Variants in OR4K2 observed in about 807,000 individuals in gnomAD.
The protein encoded by OR4K2 is olfactory receptor 4K2.
A neutral mutation model predicts 10.5 loss-of-function variants in OR4K2; 8 were observed. The ratio of observed to expected loss-of-function variants is 0.76; its 90% CI spans 0.45 to 1.37. OR4K2 has a LOEUF of 1.37. OR4K2 is among the 40% of genes most tolerant of loss of function. The probability of loss-of-function intolerance (pLI) is 0.00; values close to 1 mark genes in which losing one functional copy is unlikely to be tolerated. For missense variants in OR4K2, 547 were observed against 379.5 expected (o/e 1.44, Z -3.67); for synonymous variants, 178 against 133.6 (o/e 1.33, Z -2.29).
rs563942901 is a variant in OR4K2 at position 19,876,618 on chromosome 14, C to A, written c.351C>A (p.Ala117=). 6.2e-7 allele frequency: 1 copy of A among 1,614,172 alleles called. No homozygotes were observed. Among genetic ancestry groups the A allele is most frequent in the Admixed American group, 1.7e-5 (1 of 60,028 alleles). The stretch of plus-strand genomic sequence containing the variant: ...GAACTGAGATCATCTTACTCATGGC[C>A]ATGTCCTTTGATAGGTATATTGCAA... ...FTGTEIILLM[A]MSFDRYIAIC... Residue 117 remains alanine (A), a synonymous_variant, in exon 2 of 2, where the codon GCC becomes GCA. Transcript: ENST00000641885.
In OR4K2 at chr14:19,881,386, G is replaced by A. The variant is rs908462261; in HGVS notation, c.*4174G>A. 3.3e-5 allele frequency: 5 copies of A among 152,192 alleles called. No individual in the cohort carries two copies. The highest frequency in any genetic ancestry group is 4.8e-5 in the African/African-American group (2 of 41,444). 9.4% of individuals were successfully genotyped at this position (152,192 alleles called of 1,614,324 possible). A position where few individuals can be genotyped will look rare whatever the true frequency, so the allele number is the denominator to read the frequency against. On this transcript the variant is annotated 3_prime_UTR_variant, in exon 2 of 2. Transcript: ENST00000641885. ...TGCACAAATTATTCTGGAGCGTGTA[G>A]GACCAACACTCAAATGAGACTGGAA...
Position 19,876,600 on chromosome 14 carries a change from G to A in OR4K2, c.333G>A (p.Glu111=). ...TTCTCCACCTTTTCACTGGAACTGA[G>A]ATCATCTTACTCATGGCCATGTCCT... The part of the protein sequence containing the change: ...IFFLHLFTGT[E]IILLMAMSFD... The change falls in exon 2 of 2, where the codon GAG becomes GAA. Residue 111 remains glutamate, a synonymous_variant. Coordinates refer to ENST00000641885, the MANE Select transcript of OR4K2 (RefSeq NM_001005501.2). The A allele has an allele frequency of 6.2e-7, 1 of 1,614,192 alleles. No individual in the cohort carries two copies. The highest frequency in any genetic ancestry group is 8.5e-7 in the Non-Finnish European group (1 of 1,180,014).
chr14:19,876,214 CTTTTT>C (rs35601631), intron 1 of OR4K2, 26 bp from the exon 2 acceptor site: 2,345 of 637,690 alleles, frequency 3.7e-3, no homozygotes, highest in Non-Finnish European at 4.3e-3. Flanking sequence ...TCTGACTTTC[CTTTTT>C]TTTTTTTTTT....
chr14:19,876,499 AC>A lies in OR4K2; in HGVS notation c.236del (p.Pro79GlnfsTer3). 4.3e-6 allele frequency: 7 copies of A among 1,614,070 alleles called. No individual in the cohort carries two copies. Among genetic ancestry groups the A allele is most frequent in the Non-Finnish European group, 5.9e-6 (7 of 1,179,986 alleles). On this transcript the variant is annotated frameshift_variant, in exon 2 of 2. Transcript: ENST00000641885. LOFTEE classifies it high-confidence loss of function. ...TGATATGTCTCTTGCTTCTTTCGCC[AC>A]CCCAAAGATGATTACAGATTACCTA... ...IIDMSLASFA[T>X]PKMITDYLTG...
Position 19,877,178 on chromosome 14 carries a change from G to A in OR4K2, c.911G>A (p.Arg304Lys), listed in dbSNP as rs781254273. ...VKIAMRKLKN[R>K]FLNFNKAMPS ...ATAGCCATGAGGAAACTGAAAAATA[G>A]GTTTCTAAATTTTAATAAGGCAATG... Residue 304 changes from arginine to lysine, a missense_variant, in exon 2 of 2, where the codon AGG (arginine) becomes AAG (lysine). Arg to Lys is a conservative substitution (Grantham distance 26). Transcript: ENST00000641885. The A allele has an allele frequency of 3.1e-6, 5 of 1,597,116 alleles. No individual in the cohort carries two copies. The highest frequency in any genetic ancestry group is 4.2e-6 in the Non-Finnish European group (5 of 1,178,090).
At position 19,876,843 on chromosome 14, in the gene OR4K2, T is replaced by C; in HGVS notation, c.576T>C (p.Thr192=). 1 of 1,614,198 alleles carries C rather than the reference T, an allele frequency of 6.2e-7. No individual in the cohort carries two copies. Among genetic ancestry groups the C allele is most frequent in the Non-Finnish European group, 8.5e-7 (1 of 1,179,994 alleles). The change falls in exon 2 of 2, where the codon ACT becomes ACC. Residue 192 remains threonine (T), a synonymous_variant. Coordinates refer to ENST00000641885, the MANE Select transcript of OR4K2 (RefSeq NM_001005501.2). Reference sequence around the variant, plus strand: ...TGTTCCAGTTGGCTTGTGTGGATACTTATGTTCTGGGCCTCTTTATGATCT... The same window carrying C: ...TGTTCCAGTTGGCTTGTGTGGATACCTATGTTCTGGGCCTCTTTATGATCT... The part of the protein sequence containing the change: ...PVVFQLACVD[T]YVLGLFMIST...
rs1475717061 is a variant in OR4K2 at position 19,876,396 on chromosome 14, C to T, written c.129C>T (p.Ser43=). The T allele has an allele frequency of 1.2e-6, 2 of 1,613,840 alleles. No individual in the cohort carries two copies. Among genetic ancestry groups the T allele is most frequent in the African/African-American group, 2.7e-5 (2 of 74,886 alleles). Residue 43 remains serine, a synonymous_variant, in exon 2 of 2, where the codon AGC becomes AGT. Coordinates refer to ENST00000641885, the MANE Select transcript of OR4K2 (RefSeq NM_001005501.2). The stretch of plus-strand genomic sequence containing the variant: ...ATGTGGCAACAATGGTGGGTAACAG[C>T]CTCATAGTCATCACAGTTATAGTGG... The part of the protein sequence containing the change: ...LLYVATMVGN[S]LIVITVIVDP...
At position 19,881,952 on chromosome 14, in the gene OR4K2, A is replaced by G. The variant is rs1240047841; in HGVS notation, c.*4740A>G. On this transcript the variant is annotated 3_prime_UTR_variant, in exon 2 of 2. Coordinates refer to ENST00000641885, the MANE Select transcript of OR4K2 (RefSeq NM_001005501.2). The stretch of plus-strand genomic sequence containing the variant: ...GGTTGTCCTACAGTTAAGAAAACGG[A>G]AACCATTGGGTAAATTAAGCAGATT... 3.3e-5 allele frequency: 5 copies of G among 152,310 alleles called. No individual in the cohort carries two copies. The highest frequency in any genetic ancestry group is 1.9e-4 in the East Asian group (1 of 5,186). The allele number at this position is 152,310 out of a possible 1,614,324, so 9.4% of individuals were successfully genotyped here.
chr14:19,876,366 G>A lies in OR4K2; in HGVS notation c.99G>A (p.Leu33=), dbSNP rs1594426677. 2 of 1,613,996 alleles carry A rather than the reference G, an allele frequency of 1.2e-6. No individual in the cohort carries two copies. Among genetic ancestry groups the A allele is most frequent in the Middle Eastern group, 1.6e-4 (1 of 6,062 alleles). The change falls in exon 2 of 2, where the codon TTG becomes TTA. Residue 33 remains leucine, a synonymous_variant. Coordinates refer to ENST00000641885, the MANE Select transcript of OR4K2 (RefSeq NM_001005501.2). ...TGTTTTTCTTTATGGTGTTTTCATT[G>A]CTTTATGTGGCAACAATGGTGGGTA... ...LQMFFFMVFS[L]LYVATMVGNS... is the part of the protein sequence containing the mutation.
rs1881018154 is a variant in OR4K2, at chr14:19,880,823, T to G, written c.*3611T>G. The G allele has an allele frequency of 6.6e-6, 1 of 152,234 alleles. No homozygotes were observed. The highest frequency in any genetic ancestry group is 1.5e-5 in the Non-Finnish European group (1 of 68,032). The allele number at this position is 152,234 out of a possible 1,614,324, so 9.4% of individuals were successfully genotyped here. ...CAGAATAAGAATGATGTTTGACTCA[T>G]ATTATTAAGGTGAAGAGATAGGCAG... On this transcript the variant is annotated 3_prime_UTR_variant, in exon 2 of 2. Coordinates refer to ENST00000641885, the MANE Select transcript of OR4K2 (RefSeq NM_001005501.2).
In OR4K2 at chr14:19,882,513, A is replaced by G. The variant is rs1164944603; in HGVS notation, c.*5301A>G. On this transcript the variant is annotated 3_prime_UTR_variant, in exon 2 of 2. Coordinates refer to ENST00000641885, the MANE Select transcript of OR4K2 (RefSeq NM_001005501.2). ...AAAAATACACAAACATGTTTAGCTT[A>G]ATGAAATATTACAAGGCAAACACCA... is the stretch of plus-strand genomic sequence containing the variant. 2 of 152,254 alleles carry G rather than the reference A, an allele frequency of 1.3e-5. No homozygotes were observed. The highest frequency in any genetic ancestry group is 4.8e-5 in the African/African-American group (2 of 41,462). 9.4% of individuals were successfully genotyped at this position (152,254 alleles called of 1,614,324 possible).
chr14:19,879,670 G>A lies in OR4K2; in HGVS notation c.*2458G>A, dbSNP rs1880991592. ...TAAAAATCAGGTATAGATAAAAACA[G>A]ATAAAGTGTAAATTTTAATATGTGA... is the stretch of plus-strand genomic sequence containing the variant. On this transcript the variant is annotated 3_prime_UTR_variant, in exon 2 of 2. Transcript: ENST00000641885. 6.6e-6 allele frequency: 1 copy of A among 152,220 alleles called. No homozygotes were observed. Among genetic ancestry groups the A allele is most frequent in the Non-Finnish European group, 1.5e-5 (1 of 68,036 alleles). The allele number at this position is 152,220 out of a possible 1,614,324, so 9.4% of individuals were successfully genotyped here. A position where few individuals can be genotyped will look rare whatever the true frequency, so the allele number is the denominator to read the frequency against.
In OR4K2 at chr14:19,883,869, T is replaced by G. The variant is rs1881097371; in HGVS notation, c.*6657T>G. On this transcript the variant is annotated 3_prime_UTR_variant, in exon 2 of 2. Coordinates refer to ENST00000641885, the MANE Select transcript of OR4K2 (RefSeq NM_001005501.2). ...ATAAATTTGAATCCCTGTTTGTACC[T>G]GGAGACCGTTTTGATCTGCCCTCCT... 1 of 152,258 alleles carries G rather than the reference T, an allele frequency of 6.6e-6. No homozygotes were observed. The highest frequency in any genetic ancestry group is 2.1e-4 in the South Asian group (1 of 4,838). The allele number at this position is 152,258 out of a possible 1,614,324, so 9.4% of individuals were successfully genotyped here.
At chr14:19,876,212 T>C (rs1880888430) in intron 1 of OR4K2, 33 bp from the exon 2 acceptor site, 2 of 1,241,854 alleles carry the variant, frequency 1.6e-6, no homozygotes, top group Non-Finnish European at 2.2e-6. Context: ...AATCTGACTT[T>C]CCTTTTTTTT....
At position 19,878,081 on chromosome 14, in the gene OR4K2, T is replaced by G. The variant is rs775357475; in HGVS notation, c.*869T>G. ...TTTTGGTTATTTTTTTCTTGAAATATTTGGATGTAAAAATAATGAATCTGC... is the reference window on the plus strand; with the variant it reads ...TTTTGGTTATTTTTTTCTTGAAATAGTTGGATGTAAAAATAATGAATCTGC... On this transcript the variant is annotated 3_prime_UTR_variant, in exon 2 of 2. Coordinates refer to ENST00000641885, the MANE Select transcript of OR4K2 (RefSeq NM_001005501.2). The G allele has an allele frequency of 6.6e-6, 1 of 152,246 alleles. No individual in the cohort carries two copies. Among genetic ancestry groups the G allele is most frequent in the Non-Finnish European group, 1.5e-5 (1 of 68,028 alleles). The allele number at this position is 152,246 out of a possible 1,614,324, so 9.4% of individuals were successfully genotyped here.
rs1438816538 is a variant in OR4K2 at position 19,878,450 on chromosome 14, G to C, written c.*1238G>C. 2 of 152,136 alleles carry C rather than the reference G, an allele frequency of 1.3e-5. No homozygotes were observed. Among genetic ancestry groups the C allele is most frequent in the Non-Finnish European group, 2.9e-5 (2 of 68,002 alleles). 9.4% of individuals were successfully genotyped at this position (152,136 alleles called of 1,614,324 possible). ...CCACAGTATTTGATAATATCAAGTT[G>C]TTATTTTCTGGTATGATTGAGTAAA... On this transcript the variant is annotated 3_prime_UTR_variant, in exon 2 of 2. Transcript: ENST00000641885.
Position 19,876,309 on chromosome 14 carries a change from G to C in OR4K2, c.42G>C (p.Leu14Phe), listed in dbSNP as rs1408680818. The C allele has an allele frequency of 6.4e-6, 10 of 1,555,962 alleles. No homozygotes were observed. Among genetic ancestry groups the C allele is most frequent in the Non-Finnish European group, 8.7e-6 (10 of 1,148,930 alleles). ...GNKSTMSEFV[L>F]LGLSNSWELQ... The stretch of plus-strand genomic sequence containing the variant: ...AGTCTACCATGTCTGAATTTGTTTT[G>C]CTGGGGCTCTCTAATTCCTGGGAAC... The change falls in exon 2 of 2, where the codon TTG becomes TTC. Residue 14 changes from leucine (L) to phenylalanine (F), a missense_variant. Transcript: ENST00000641885.
chr14:19,880,736 A>C lies in OR4K2; in HGVS notation c.*3524A>C, dbSNP rs957521950. On this transcript the variant is annotated 3_prime_UTR_variant, in exon 2 of 2. Coordinates refer to ENST00000641885, the MANE Select transcript of OR4K2 (RefSeq NM_001005501.2). ...TTAATCATTATGCTATTGCTTCTTT[A>C]CAATGAATAAATATTAAATTGGTTT... The C allele has an allele frequency of 1.3e-5, 2 of 152,272 alleles. No individual in the cohort carries two copies. Among genetic ancestry groups the C allele is most frequent in the African/African-American group, 4.8e-5 (2 of 41,482 alleles). 9.4% of individuals were successfully genotyped at this position (152,272 alleles called of 1,614,324 possible). A position where few individuals can be genotyped will look rare whatever the true frequency, so the allele number is the denominator to read the frequency against.
At position 19,876,899 on chromosome 14, in the gene OR4K2, T is replaced by A; in HGVS notation, c.632T>A (p.Phe211Tyr). The part of the protein sequence containing the change: ...STSGIIALSC[F>Y]IVLFNSYVIV... ...AGTGGCATAATTGCGTTGTCCTGTTTTATTGTTTTATTTAATTCATATGTT... is the reference window on the plus strand; with the variant it reads ...AGTGGCATAATTGCGTTGTCCTGTTATATTGTTTTATTTAATTCATATGTT... Residue 211 changes from phenylalanine to tyrosine, a missense_variant, in exon 2 of 2, where the codon TTT (phenylalanine) becomes TAT (tyrosine). Transcript: ENST00000641885. 1 of 1,614,204 alleles carries A rather than the reference T, an allele frequency of 6.2e-7. No homozygotes were observed. The highest frequency in any genetic ancestry group is 8.5e-7 in the Non-Finnish European group (1 of 1,180,006).
Sources: allele counts gnomAD v4.1 joint callset, GRCh38; gene constraint gnomAD v4.1.1; transcripts MANE v1.5; gene names NCBI Gene and HGNC (gene_info 2026-07-23, HGNC 2026-07-21).